The following ZC3H7A variants were observed in gnomAD, a reference collection of about 807,000 sequenced individuals.
ZC3H7A encodes the protein zinc finger CCCH domain-containing protein 7A.
Under a neutral mutation model 125.5 loss-of-function variants are expected in ZC3H7A, and 44 were observed. The ratio of observed to expected loss-of-function variants is 0.35; its 90% CI spans 0.28 to 0.45. The LOEUF (loss-of-function observed/expected upper bound fraction) is 0.45. ZC3H7A is among the 20% of genes least tolerant of loss of function. The pLI, the probability that ZC3H7A is intolerant of heterozygous loss-of-function variation, is 1.00. For missense variants in ZC3H7A, 977 were observed against 1,170.7 expected (o/e 0.83, Z 2.41); for synonymous variants, 399 against 391.2 (o/e 1.02, Z -0.23).
chr16:11,761,349 T>C (rs2052749351), intron 19 of ZC3H7A, 57 bp downstream of exon 19: 4 of 1,488,478 alleles, frequency 2.7e-6, no homozygotes, highest in Non-Finnish European at 3.7e-6. Flanking sequence ...TACTACTATT[T>C]TCTAATGATT....
At chr16:11,794,131 G>A (rs2053396199) in intron 1 of ZC3H7A, among the ~76,000 whole-genome samples, 1 of 152,134 alleles carries the variant, frequency 6.6e-6, no homozygotes, top group African/African-American at 2.4e-5. Flanking sequence ...AAAGCTTCAT[G>A]ACAAATGATT....
chr16:11,751,773 A>G (rs2052556638), intron 22 of ZC3H7A, among the ~76,000 whole-genome samples: 1 of 152,220 alleles, frequency 6.6e-6, no homozygotes, highest in African/African-American at 2.4e-5. Context: ...AAGAAATCAG[A>G]GGCGGCATCA....
intron 11 of ZC3H7A, 112 bp downstream of exon 11, chr16:11,768,919 C>A: frequency 9.4e-7 from 1 of 1,061,418 alleles, no homozygotes; most frequent in Non-Finnish European, 1.4e-6. Flanking sequence ...CAATTTCCTG[C>A]AGCACACACA....
rs1475199089 is a variant in ZC3H7A, at chr16:11,765,479, G to C, written c.1719+10C>G. 1.2e-6 allele frequency: 2 copies of C among 1,601,672 alleles called. No homozygotes were observed. Among genetic ancestry groups the C allele is most frequent in the Non-Finnish European group, 1.7e-6 (2 of 1,172,718 alleles). On this transcript the variant is annotated intron_variant, in intron 14 of 22. Coordinates refer to ENST00000355758, the MANE Select transcript of ZC3H7A (RefSeq NM_014153.4). This position sits in a 1 kb window ranked among gnomAD's most constrained non-coding sequence, Gnocchi z 4.8. ...ACTTTACAGTGGAAAATAAGTTTTG[G>C]AGAACACACCTCACAAAGGAATATA... is the stretch of plus-strand genomic sequence containing the variant.
intron 19 of ZC3H7A, 87 bp downstream of exon 19, chr16:11,761,319 G>C (rs1362729979): frequency 9.0e-5 from 113 of 1,257,608 alleles, no homozygotes; most frequent in Non-Finnish European, 5.8e-6. Context: ...TATTTAAAGG[G>C]CTTGAGTTTC....
intron 22 of ZC3H7A, 41 bp downstream of exon 22, chr16:11,752,625 AGGT>A: frequency 2.5e-6 from 4 of 1,579,988 alleles, no homozygotes; most frequent in Non-Finnish European, 2.6e-6. Flanking sequence ...TGAAAATTTG[AGGT>A]CAGCAATTCT....
rs1173966335 is a variant in ZC3H7A at position 11,761,749 on chromosome 16, C to A, written c.2213+161G>T. 4 of 1,014,302 alleles carry A rather than the reference C, an allele frequency of 3.9e-6. No individual in the cohort carries two copies. The South Asian group carries it at 5.0e-5, about 13-fold the overall frequency. The allele number at this position is 1,014,302 out of a possible 1,614,324, so 62.8% of individuals were successfully genotyped here. Reference sequence around the variant, plus strand: ...AACACTACTTGTGAATTCTTATCTACTAGGTCCTAAAAATCTCTTCCCTTG... The same window carrying A: ...AACACTACTTGTGAATTCTTATCTAATAGGTCCTAAAAATCTCTTCCCTTG... On this transcript the variant is annotated intron_variant, in intron 18 of 22. Transcript: ENST00000355758.
intron 4 of ZC3H7A, among the ~76,000 whole-genome samples, chr16:11,777,153 G>A (rs2053094571): frequency 6.6e-6 from 1 of 152,136 alleles, no homozygotes; most frequent in African/African-American, 2.4e-5. Flanking sequence ...TATTTGGTCA[G>A]AAAGTCCCCA....
intron 2 of ZC3H7A, 114 bp downstream of exon 2, chr16:11,782,173 C>G (rs2053183413): frequency 1.7e-6 from 2 of 1,160,698 alleles, no homozygotes. Flanking sequence ...AGTTTCTAAC[C>G]CAAATTAACT....
rs2052906445 is a variant in ZC3H7A, at chr16:11,768,515, A to T, written c.1174-14T>A. The T allele has an allele frequency of 7.1e-7, 1 of 1,405,780 alleles. No individual in the cohort carries two copies. Among genetic ancestry groups the T allele is most frequent in the South Asian group, 1.6e-5 (1 of 62,920 alleles). 87.1% of individuals were successfully genotyped at this position (1,405,780 alleles called of 1,614,324 possible). A position where few individuals can be genotyped will look rare whatever the true frequency, so the allele number is the denominator to read the frequency against. On this transcript the variant is annotated splice_polypyrimidine_tract_variant and intron_variant, in intron 11 of 22. Coordinates refer to ENST00000355758, the MANE Select transcript of ZC3H7A (RefSeq NM_014153.4). ...TGGTCCATTCATCTGCAAGAAAAAT[A>T]AGAAGAAAAAAAAAAAAAACAGCCA...
At chr16:11,772,869 G>C (rs927252956) in intron 9 of ZC3H7A, among the ~76,000 whole-genome samples, 1 of 151,672 alleles carries the variant, frequency 6.6e-6, no homozygotes, top group African/African-American at 2.4e-5. Flanking sequence ...GCTAATTTTT[G>C]TGATTTTTGG....
rs1257507573 is a variant in ZC3H7A, at chr16:11,774,480, G to C, written c.659C>G (p.Ser220Cys). The C allele has an allele frequency of 6.3e-7, 1 of 1,577,926 alleles. No individual in the cohort carries two copies. The highest frequency in any genetic ancestry group is 8.6e-7 in the Non-Finnish European group (1 of 1,159,338). Residue 220 changes from serine (S) to cysteine (C), a missense_variant, in exon 9 of 23, where the codon TCT becomes TGT. Physicochemically the swap from Ser to Cys is moderately radical, Grantham distance 112. Transcript: ENST00000355758. The part of the protein sequence containing the change: ...TPRQEAVPVV[S>C]LPAPSFSHEV... Reference sequence around the variant, plus strand: ...ATGAGAAAAACTGGGTGCCGGTAAAGAGACAACAGGAACTGCTTCTTGCCT... The same window carrying C: ...ATGAGAAAAACTGGGTGCCGGTAAACAGACAACAGGAACTGCTTCTTGCCT...
At chr16:11,788,213 A>G (rs531158342) in intron 1 of ZC3H7A, among the ~76,000 whole-genome samples, 24 of 151,510 alleles carry the variant, frequency 1.6e-4, no homozygotes, top group African/African-American at 5.6e-4. Flanking sequence ...GTCTGTCCCC[A>G]CCTCACAGGC....
At chr16:11,778,765 G>C (rs573175372) in intron 4 of ZC3H7A, among the ~76,000 whole-genome samples, 1 of 152,016 alleles carries the variant, frequency 6.6e-6, no homozygotes, top group Admixed American at 6.6e-5. Flanking sequence ...CCAGGCTGGA[G>C]TGCAGTGGCA....
At position 11,763,520 on chromosome 16, in the gene ZC3H7A, T is replaced by C; in HGVS notation, c.1960A>G (p.Ser654Gly). Residue 654 changes from serine (S) to glycine (G), a missense_variant, in exon 16 of 23, where the codon AGT becomes GGT. Ser to Gly is a moderately conservative substitution (Grantham distance 56). Around this residue, in one of 3 missense-constraint regions of ZC3H7A, gnomAD observed 436 missense variants for 603.2 expected, o/e 0.72. Transcript: ENST00000355758. Reference protein sequence around the residue: ...LREDECFYAHSLVELKVWIMQ... With the variant: ...LREDECFYAHGLVELKVWIMQ... ...ATCCAGACTTTCAGTTCCACAAGACTATGGGCATAAAAGCACTCATCTTCC... is the reference window on the plus strand; with the variant it reads ...ATCCAGACTTTCAGTTCCACAAGACCATGGGCATAAAAGCACTCATCTTCC... 1 of 1,608,658 alleles carries C rather than the reference T, an allele frequency of 6.2e-7. No individual in the cohort carries two copies. The highest frequency in any genetic ancestry group is 8.5e-7 in the Non-Finnish European group (1 of 1,177,164).
Position 11,774,528 on chromosome 16 carries a change from C to T in ZC3H7A, c.620-9G>A. 7 of 1,513,618 alleles carry T rather than the reference C, an allele frequency of 4.6e-6. No individual in the cohort carries two copies. The highest frequency in any genetic ancestry group is 4.4e-5 in the Admixed American group (2 of 45,538). The allele number at this position is 1,513,618 out of a possible 1,614,324, so 93.8% of individuals were successfully genotyped here. A position where few individuals can be genotyped will look rare whatever the true frequency, so the allele number is the denominator to read the frequency against. On this transcript the variant is annotated splice_polypyrimidine_tract_variant and intron_variant, in intron 8 of 22. Coordinates refer to ENST00000355758, the MANE Select transcript of ZC3H7A (RefSeq NM_014153.4). ...CCTTGGAGTTAATAAATCTGTAACA[C>T]AGATGGAAATGTACTCAGTCACTTT... is the stretch of plus-strand genomic sequence containing the variant.
Position 11,761,491 on chromosome 16 carries a change from G to A in ZC3H7A, c.2234C>T (p.Ala745Val). The A allele has an allele frequency of 2.5e-6, 4 of 1,613,830 alleles. No homozygotes were observed. The highest frequency in any genetic ancestry group is 1.3e-5 in the African/African-American group (1 of 75,002). The change falls in exon 19 of 23, where the codon GCG becomes GTG. Residue 745 changes from alanine (A) to valine (V), a missense_variant. This residue lies in a region of ZC3H7A where 436 missense variants were observed against 603.2 expected (regional missense o/e 0.72). Transcript: ENST00000355758. ...ARHSWTKDRR[A>V]MRVMSIERKK... ...ACGTTCAATAGACATCACTCTCATCGCACGCCGGTCTTTGGTCCACCTAAG... is the reference window on the plus strand; with the variant it reads ...ACGTTCAATAGACATCACTCTCATCACACGCCGGTCTTTGGTCCACCTAAG...
intron 9 of ZC3H7A, among the ~76,000 whole-genome samples, chr16:11,773,602 G>A (rs2053024695): frequency 6.6e-6 from 1 of 151,860 alleles, no homozygotes; most frequent in African/African-American, 2.4e-5. Context: ...AAGTCCTGAG[G>A]CCGGGCATGG....
chr16:11,768,178 TGTTTAGGAAGA>T, intron 12 of ZC3H7A, 126 bp downstream of exon 12: 1 of 844,836 alleles, frequency 1.2e-6, no homozygotes, highest in Non-Finnish European at 1.7e-6. Context: ...AACTGCTACT[TGTTTAGGAAGA>T]ATTCAAAATA....
Sources: gnomAD v4.1 joint callset for allele counts (sites outside exome capture counted in the v4.1 genomes callset) on GRCh38, gnomAD v4.1.1 for gene constraint, gnomAD v4.1.1 regional missense constraint, Gnocchi (gnomAD v3.1) non-coding constraint, MANE v1.5 for transcripts, NCBI Gene and HGNC (gene_info 2026-07-23, HGNC 2026-07-21) for gene names.